The following SLC1A6 variants were observed in gnomAD, a reference collection of about 807,000 sequenced individuals.
SLC1A6 encodes solute carrier family 1 member 6.
Under a neutral mutation model 42.1 loss-of-function variants are expected in SLC1A6, and 15 were observed. That is an observed-to-expected ratio of 0.36 (90% confidence interval 0.24 to 0.55). The LOEUF (loss-of-function observed/expected upper bound fraction) is 0.55, where lower values mean the gene tolerates loss of function less well. Ranked by LOEUF, SLC1A6 falls within the 20% of genes least tolerant of loss-of-function variation. SLC1A6 has a pLI of 0.88. For synonymous variants in SLC1A6, 317 were observed against 319.7 expected (o/e 0.99, Z 0.09); for missense variants, 542 against 772.5 (o/e 0.70, Z 3.54).
At chr19:14,996,777 G>A (rs1394386296) in intron 1 of SLC1A6, among the ~76,000 whole-genome samples, 5 of 151,972 alleles carry the variant, frequency 3.3e-5, no homozygotes, top group Admixed American at 1.3e-4. Flanking sequence ...CAAGTCACTC[G>A]ATCAATCAAT....
intron 1 of SLC1A6, among the ~76,000 whole-genome samples, chr19:14,997,399 G>A (rs981972137): frequency 2.0e-5 from 3 of 152,168 alleles, no homozygotes; most frequent in African/African-American, 7.2e-5. Flanking sequence ...GACCTCCTGA[G>A]GATGTATCAC....
intron 6 of SLC1A6, among the ~76,000 whole-genome samples, chr19:14,960,633 A>G (rs1008819972): frequency 6.6e-6 from 1 of 152,204 alleles, no homozygotes; most frequent in Admixed American, 6.5e-5. Context: ...ACACAGATGA[A>G]CCTGGAGGAC....
intron 1 of SLC1A6, among the ~76,000 whole-genome samples, chr19:15,007,297 T>C (rs370175155): frequency 2.3e-4 from 35 of 152,244 alleles, no homozygotes; most frequent in South Asian, 1.0e-3. Context: ...AAAGGCCACA[T>C]AGTGTGAGAC....
chr19:14,953,764 C>T (rs531978688), intron 8 of SLC1A6, among the ~76,000 whole-genome samples: 7 of 152,186 alleles, frequency 4.6e-5, no homozygotes, highest in Admixed American at 4.6e-4. Flanking sequence ...TAAGTTGGAA[C>T]CACTGGATGA....
chr19:14,996,588 C>T (rs1046170469), intron 1 of SLC1A6, among the ~76,000 whole-genome samples: 2 of 150,484 alleles, frequency 1.3e-5, no homozygotes, highest in African/African-American at 2.5e-5. Context: ...TCTTCTTCCT[C>T]TCATTGTACC....
At chr19:14,970,960 A>G (rs1306643591) in intron 3 of SLC1A6, among the ~76,000 whole-genome samples, 1 of 151,680 alleles carries the variant, frequency 6.6e-6, no homozygotes, top group Non-Finnish European at 1.5e-5. Context: ...TGAAACCCCA[A>G]CTCTACTAAA....
chr19:14,989,314 T>C (rs1399061989), intron 1 of SLC1A6, among the ~76,000 whole-genome samples: 1 of 152,042 alleles, frequency 6.6e-6, no homozygotes, highest in Non-Finnish European at 1.5e-5. Flanking sequence ...CAGGCTGGAG[T>C]GCAATGGCGT....
intron 3 of SLC1A6, among the ~76,000 whole-genome samples, chr19:14,971,386 C>A (rs967971582): frequency 6.6e-6 from 1 of 152,108 alleles, no homozygotes; most frequent in Non-Finnish European, 1.5e-5. Flanking sequence ...TAATCGACAC[C>A]CCACTCCCTG....
intron 1 of SLC1A6, among the ~76,000 whole-genome samples, chr19:15,003,885 G>T (rs1337182965): frequency 6.6e-6 from 1 of 152,186 alleles, no homozygotes; most frequent in Non-Finnish European, 1.5e-5. Flanking sequence ...GCCAGGTGTG[G>T]TGGTTCATGC....
chr19:14,964,318 C>T lies in SLC1A6; in HGVS notation c.591+1G>A. 1 of 1,613,382 alleles carries T rather than the reference C, an allele frequency of 6.2e-7. No individual in the cohort carries two copies. Among genetic ancestry groups the T allele is most frequent in the Non-Finnish European group, 8.5e-7 (1 of 1,179,422 alleles). ...GATCAAACTGTGTACTTCCCCCTGACCTGTTTGAAGCAGGCCTCCACAAGG... is the reference window on the plus strand; with the variant it reads ...GATCAAACTGTGTACTTCCCCCTGATCTGTTTGAAGCAGGCCTCCACAAGG... On this transcript the variant is annotated splice_donor_variant, in intron 5 of 9. Transcript: ENST00000594383. LOFTEE classifies it high-confidence loss of function.
intron 1 of SLC1A6, among the ~76,000 whole-genome samples, chr19:15,004,867 G>A (rs1057309892): frequency 2.0e-5 from 3 of 152,128 alleles, no homozygotes; most frequent in Non-Finnish European, 2.9e-5. Flanking sequence ...TGTACATAAT[G>A]TTTCTGTAGA....
rs1371285755 is a variant in SLC1A6, at chr19:14,979,520, C to T, written c.-219G>A. On this transcript the variant is annotated 5_prime_UTR_variant, in exon 1 of 10. Coordinates refer to ENST00000594383, the MANE Select transcript of SLC1A6 (RefSeq NM_005071.3). This position sits in a 1 kb window ranked among gnomAD's most constrained non-coding sequence, Gnocchi z 4.2. ...CGCGGAGTCCCCACTCACCGGCGTCCGGAGCGGCGGGGGCGGCCTGCCCGC... is the reference window on the plus strand; with the variant it reads ...CGCGGAGTCCCCACTCACCGGCGTCTGGAGCGGCGGGGGCGGCCTGCCCGC... 1.3e-5 allele frequency: 2 copies of T among 151,322 alleles called. No homozygotes were observed. The highest frequency in any genetic ancestry group is 4.8e-5 in the African/African-American group (2 of 41,288). 9.4% of individuals were successfully genotyped at this position (151,322 alleles called of 1,614,324 possible). A position where few individuals can be genotyped will look rare whatever the true frequency, so the allele number is the denominator to read the frequency against.
At position 14,957,027 on chromosome 19, in the gene SLC1A6, A is replaced by C. The variant is rs1187332181; in HGVS notation, c.936-318T>G. 2.0e-5 allele frequency among the ~76,000 whole-genome samples: 3 copies of C among 152,186 alleles called. No individual in the cohort carries two copies. The East Asian group carries it at 5.8e-4, about 29-fold the overall frequency. ...TTCAAGCTCTCTCAATCCTGCCCCA[A>C]ATAATCACTACCTTCAGTTTCCTTC... On this transcript the variant is annotated intron_variant, in intron 6 of 9. Transcript: ENST00000594383.
intron 3 of SLC1A6, 61 bp from the exon 4 acceptor site, chr19:14,968,568 C>A: frequency 7.2e-7 from 1 of 1,397,150 alleles, no homozygotes; most frequent in South Asian, 1.3e-5. Flanking sequence ...GCTCTCCTAG[C>A]ATCCGTTCCA....
At chr19:14,992,066 T>G (rs2045823195) in intron 1 of SLC1A6, among the ~76,000 whole-genome samples, 1 of 152,186 alleles carries the variant, frequency 6.6e-6, no homozygotes, top group African/African-American at 2.4e-5. Context: ...CCTTAGGTGA[T>G]CCACCCGCCT....
In SLC1A6 at chr19:14,950,173, G is replaced by C. The variant is rs540230769; in HGVS notation, c.*22C>G. Reference sequence around the variant, plus strand: ...CCCCAGCCCCCTTCCCTCCTCTCTGGGGGGGCAGAGCTGGAGGCCCCTCAC... The same window carrying C: ...CCCCAGCCCCCTTCCCTCCTCTCTGCGGGGGCAGAGCTGGAGGCCCCTCAC... On this transcript the variant is annotated 3_prime_UTR_variant, in exon 10 of 10. Coordinates refer to ENST00000594383, the MANE Select transcript of SLC1A6 (RefSeq NM_005071.3). 23 of 1,424,814 alleles carry C rather than the reference G, an allele frequency of 1.6e-5. 1 individual carries two copies. Among genetic ancestry groups the C allele is most frequent in the Admixed American group, 1.0e-4 (4 of 39,358 alleles). 88.3% of individuals were successfully genotyped at this position (1,424,814 alleles called of 1,614,324 possible). A position where few individuals can be genotyped will look rare whatever the true frequency, so the allele number is the denominator to read the frequency against.
chr19:14,970,710 CA>C (rs57486120), intron 3 of SLC1A6, among the ~76,000 whole-genome samples: 20,070 of 137,788 alleles, frequency 0.15, 1,600 homozygotes, highest in African/African-American at 0.26. Context: ...CACTCTGTCT[CA>C]AAAAAAAAAA....
chr19:14,998,226 G>A (rs550939090), intron 1 of SLC1A6, among the ~76,000 whole-genome samples: 1 of 152,212 alleles, frequency 6.6e-6, no homozygotes, highest in East Asian at 1.9e-4. Context: ...TTCAGGCATA[G>A]CTGGCCAGCA....
At chr19:15,002,380 C>G (rs989245752) in intron 1 of SLC1A6, among the ~76,000 whole-genome samples, 14 of 152,112 alleles carry the variant, frequency 9.2e-5, no homozygotes, top group African/African-American at 3.1e-4. Context: ...AAGCAATCCT[C>G]CTACCTCAGC....
Sources: gnomAD v4.1 joint callset for allele counts (sites outside exome capture counted in the v4.1 genomes callset) on GRCh38, gnomAD v4.1.1 for gene constraint, Gnocchi (gnomAD v3.1) non-coding constraint, MANE v1.5 for transcripts, NCBI Gene and HGNC (gene_info 2026-07-23, HGNC 2026-07-21) for gene names.